The following ASAP2 variants were observed in gnomAD, a reference collection of about 807,000 sequenced individuals.
The protein encoded by ASAP2 is arf-GAP with SH3 domain, ANK repeat and PH domain-containing protein 2.
A neutral mutation model predicts 131.4 loss-of-function variants in ASAP2; 45 were observed. That is an observed-to-expected ratio of 0.34 (90% CI 0.27 to 0.44). The LOEUF is 0.44. Ranked by LOEUF, ASAP2 falls within the 20% of genes least tolerant of loss-of-function variation. The pLI, the probability that ASAP2 is intolerant of heterozygous loss-of-function variation, is 1.00. For missense variants in ASAP2, 1,011 were observed against 1,297.0 expected, an observed-to-expected ratio of 0.78 and a Z score of 3.39; for synonymous variants, 510 against 503.0, an observed-to-expected ratio of 1.01 and a Z score of -0.19.
At chr2:9,366,143 T>C (rs184159919) in intron 15 of ASAP2, among the ~76,000 whole-genome samples, 8 of 152,220 alleles carry the variant, frequency 5.3e-5, no homozygotes, top group Admixed American at 1.3e-4. Flanking sequence ...GGGTTCTCTA[T>C]GGGCTGAAAC....
intron 8 of ASAP2, 54 bp from the exon 9 acceptor site, chr2:9,335,039 G>T (rs777723502): frequency 4.4e-5 from 69 of 1,565,086 alleles, no homozygotes; most frequent in Non-Finnish European, 5.5e-5. Flanking sequence ...ACGTTTCACT[G>T]TACCTCAGTC....
intron 7 of ASAP2, among the ~76,000 whole-genome samples, chr2:9,330,239 A>G (rs1670742632): frequency 6.6e-6 from 1 of 152,208 alleles, no homozygotes; most frequent in South Asian, 2.1e-4. Flanking sequence ...ATTTAAAAAA[A>G]AGAAGAGTGA....
intron 1 of ASAP2, among the ~76,000 whole-genome samples, chr2:9,253,076 G>A (rs370812978): frequency 3.3e-5 from 5 of 152,110 alleles, no homozygotes; most frequent in South Asian, 2.1e-4. Context: ...ACAAAGAAAC[G>A]AAAGTCGTTT....
rs1674614885 is a variant in ASAP2 at position 9,378,928 on chromosome 2, TC to T, written c.1833-14del. The T allele has an allele frequency of 7.0e-7, 1 of 1,428,112 alleles. No homozygotes were observed. The highest frequency in any genetic ancestry group is 1.5e-5 in the African/African-American group (1 of 68,530). The allele number at this position is 1,428,112 out of a possible 1,614,324, so 88.5% of individuals were successfully genotyped here. A position where few individuals can be genotyped will look rare whatever the true frequency, so the allele number is the denominator to read the frequency against. On this transcript the variant is annotated splice_polypyrimidine_tract_variant and intron_variant, in intron 18 of 27. Transcript: ENST00000281419. ...GTGACACACTATGCTCTCTCTCTGT[TC>T]CTGTTCTCGGGCAGTGGGAACCTGG...
At chr2:9,391,871 C>T (rs995999838) in intron 23 of ASAP2, among the ~76,000 whole-genome samples, 11 of 151,978 alleles carry the variant, frequency 7.2e-5, no homozygotes, top group African/African-American at 2.7e-4. Context: ...AGGCATGATC[C>T]ATGGTGCCCA....
At chr2:9,343,984 A>G (rs1671779395) in intron 9 of ASAP2, among the ~76,000 whole-genome samples, 1 of 152,192 alleles carries the variant, frequency 6.6e-6, no homozygotes, top group Admixed American at 6.5e-5. Flanking sequence ...GAGGAAGTGA[A>G]GATTTTTGCA....
Position 9,297,499 on chromosome 2 carries a change from C to T in ASAP2, c.345+54C>T, listed in dbSNP as rs550762710. On this transcript the variant is annotated intron_variant, in intron 3 of 27. Transcript: ENST00000281419. The stretch of plus-strand genomic sequence containing the variant: ...GGTTACTTCAGTTGGGAAAGTGGCT[C>T]AGTAGAGGATAGTTATGGTTTGTTT... 49 of 1,600,154 alleles carry T rather than the reference C, an allele frequency of 3.1e-5. No individual in the cohort carries two copies. The African/African-American group carries it at 4.4e-4, about 14-fold the overall frequency.
rs1675588162 is a variant in ASAP2, at chr2:9,389,911, C to G, written c.2384-1151C>G. 6.6e-6 allele frequency among the ~76,000 whole-genome samples: 1 copy of G among 152,198 alleles called. No individual in the cohort carries two copies. Among genetic ancestry groups the G allele is most frequent in the Non-Finnish European group, 1.5e-5 (1 of 68,026 alleles). ...GGGCCCAGGGTGGGTGCGGCTTTCT[C>G]CCCGCCTCTCCCAGATCCTGCAGGC... On this transcript the variant is annotated intron_variant, in intron 22 of 27. Transcript: ENST00000281419. This position sits in a 1 kb window ranked among gnomAD's most constrained non-coding sequence, Gnocchi z 4.7.
At chr2:9,315,084 G>C (rs376570439) in intron 3 of ASAP2, among the ~76,000 whole-genome samples, 1 of 152,162 alleles carries the variant, frequency 6.6e-6, no homozygotes, top group East Asian at 1.9e-4. Context: ...CGTTTCCGTC[G>C]AATAGAACAA....
intron 21 of ASAP2, among the ~76,000 whole-genome samples, chr2:9,387,034 C>T (rs1004701226): frequency 1.3e-5 from 2 of 149,294 alleles, no homozygotes; most frequent in Non-Finnish European, 1.5e-5. Context: ...GAAACCCCGT[C>T]TCTACTAAAA....
intron 20 of ASAP2, among the ~76,000 whole-genome samples, chr2:9,383,171 GTC>G (rs1674999401): frequency 6.6e-6 from 1 of 151,988 alleles, no homozygotes; most frequent in Admixed American, 6.6e-5. Flanking sequence ...GGATGCAAAA[GTC>G]TGAAAAAATA....
intron 24 of ASAP2, among the ~76,000 whole-genome samples, chr2:9,397,315 T>G (rs1381262190): frequency 6.6e-6 from 1 of 152,192 alleles, no homozygotes; most frequent in Non-Finnish European, 1.5e-5. Context: ...TGCAGGTTCC[T>G]TGTTCTCAGA....
chr2:9,254,353 CTTTT>C (rs777033631), intron 1 of ASAP2, among the ~76,000 whole-genome samples: 1 of 103,960 alleles, frequency 9.6e-6, no homozygotes, highest in African/African-American at 3.8e-5. Context: ...ATAAACTAAA[CTTTT>C]TTTTTTTTTT....
intron 23 of ASAP2, among the ~76,000 whole-genome samples, 178 bp downstream of exon 23, chr2:9,391,374 T>G (rs1035285190): frequency 6.6e-6 from 1 of 152,114 alleles, no homozygotes; most frequent in African/African-American, 2.4e-5. Flanking sequence ...TCGTCACAGC[T>G]GCAAACCCCT....
chr2:9,264,700 G>T (rs1665820920), intron 1 of ASAP2, among the ~76,000 whole-genome samples: 1 of 152,028 alleles, frequency 6.6e-6, no homozygotes, highest in South Asian at 2.1e-4. Context: ...TAAGTCCTTT[G>T]CCTCTTCCAG....
intron 3 of ASAP2, among the ~76,000 whole-genome samples, chr2:9,303,934 G>A (rs1342754987): frequency 6.6e-6 from 1 of 152,222 alleles, no homozygotes; most frequent in African/African-American, 2.4e-5. Context: ...ACGAGGACTG[G>A]GCACCTGCTG....
rs1246598676 is a variant in ASAP2, at chr2:9,217,106, G to C, written c.126+9876G>C. On this transcript the variant is annotated intron_variant, in intron 1 of 27. Transcript: ENST00000281419. The surrounding 1 kb of genome is among the most constrained non-coding windows in gnomAD (Gnocchi z 4.0). ...ATCAAGCATTTTGACACCAGAGTCT[G>C]CTATTTCTTTTAGCAGCCAACAGCC... is the stretch of plus-strand genomic sequence containing the variant. Among the ~76,000 whole-genome samples, 1 of 152,144 alleles carries C rather than the reference G, an allele frequency of 6.6e-6. No individual in the cohort carries two copies. Among genetic ancestry groups the C allele is most frequent in the Non-Finnish European group, 1.5e-5 (1 of 68,024 alleles).
intron 3 of ASAP2, among the ~76,000 whole-genome samples, chr2:9,306,994 A>G (rs947540993): frequency 2.0e-5 from 3 of 152,162 alleles, no homozygotes; most frequent in African/African-American, 7.2e-5. Flanking sequence ...CCCAGGCAAT[A>G]GCAGGCAGTC....
At chr2:9,391,321 C>T (rs1285669453) in intron 23 of ASAP2, 125 bp downstream of exon 23, 2 of 1,349,354 alleles carry the variant, frequency 1.5e-6, no homozygotes, top group African/African-American at 1.5e-5. Context: ...TTGTATGGCT[C>T]CCTGTGGCTC....
Sources: gnomAD v4.1 joint callset for allele counts (sites outside exome capture counted in the v4.1 genomes callset) on GRCh38, gnomAD v4.1.1 for gene constraint, Gnocchi (gnomAD v3.1) non-coding constraint, MANE v1.5 for transcripts, NCBI Gene and HGNC (gene_info 2026-07-23, HGNC 2026-07-21) for gene names.